Variants in CAPN9 observed in about 807,000 individuals in gnomAD.
CAPN9 encodes the protein calpain 9, also known as calpain-9.
A neutral mutation model predicts 92.8 loss-of-function variants in CAPN9; 81 were observed. That is an observed-to-expected ratio of 0.87 (90% CI 0.73 to 1.05). The LOEUF (loss-of-function observed/expected upper bound fraction) is 1.05. Ranked by LOEUF, CAPN9 falls within the 50% of genes least tolerant of loss-of-function variation. The pLI is 0.00. For missense variants in CAPN9, 848 were observed against 866.2 expected, an observed-to-expected ratio of 0.98 and a Z score of 0.26; for synonymous variants, 304 against 328.0, an observed-to-expected ratio of 0.93 and a Z score of 0.79.
chr1:230,780,076 ATGTGCGTGTG>A (rs1667099836), intron 9 of CAPN9, 93 bp from the exon 10 acceptor site: 2 of 758,328 alleles, frequency 2.6e-6, no homozygotes, highest in Non-Finnish European at 4.1e-6. Flanking sequence ...AGATAGGTGT[ATGTGCGTGTG>A]TGTGTGTGTG....
intron 9 of CAPN9, among the ~76,000 whole-genome samples, chr1:230,779,439 C>T (rs1231748393): frequency 6.6e-6 from 1 of 152,116 alleles, no homozygotes; most frequent in Non-Finnish European, 1.5e-5. Flanking sequence ...GGGTGGGCTT[C>T]AGGCACAGTT....
At chr1:230,763,987 T>A (rs1178593146) in intron 4 of CAPN9, among the ~76,000 whole-genome samples, 11 of 152,188 alleles carry the variant, frequency 7.2e-5, no homozygotes, top group Non-Finnish European at 4.4e-5. Context: ...ACAGAAACTG[T>A]GTGCCATCTA....
At chr1:230,789,464 A>G (rs1667826810) in intron 13 of CAPN9, among the ~76,000 whole-genome samples, 1 of 117,296 alleles carries the variant, frequency 8.5e-6, no homozygotes. Flanking sequence ...ACAGAGCAAG[A>G]CCCTGTATCA....
chr1:230,778,328 G>A (rs368399767), intron 8 of CAPN9, among the ~76,000 whole-genome samples: 2 of 152,214 alleles, frequency 1.3e-5, no homozygotes, highest in African/African-American at 2.4e-5. Context: ...CTTGGACACC[G>A]GCACTAACTT....
intron 8 of CAPN9, 103 bp from the exon 9 acceptor site, chr1:230,778,870 A>C: frequency 1.8e-6 from 2 of 1,102,628 alleles, no homozygotes; most frequent in Non-Finnish European, 2.6e-6. Context: ...GCGGACAGGA[A>C]CAAGATGATT....
intron 11 of CAPN9, among the ~76,000 whole-genome samples, chr1:230,782,504 A>G (rs1423858468): frequency 2.0e-5 from 3 of 152,216 alleles, no homozygotes; most frequent in African/African-American, 7.2e-5. Flanking sequence ...TGTTTTTAGC[A>G]TCATCAAAAG....
At chr1:230,775,784 G>A (rs1355293133) in intron 8 of CAPN9, among the ~76,000 whole-genome samples, 5 of 152,094 alleles carry the variant, frequency 3.3e-5, no homozygotes, top group African/African-American at 9.7e-5. Flanking sequence ...AGGGGTGGTG[G>A]TGAGTGCCTA....
At chr1:230,752,051 C>T (rs1170400950) in intron 1 of CAPN9, among the ~76,000 whole-genome samples, 1 of 152,152 alleles carries the variant, frequency 6.6e-6, no homozygotes, top group Non-Finnish European at 1.5e-5. Context: ...AATGTACATC[C>T]AGGATCGACA....
intron 1 of CAPN9, among the ~76,000 whole-genome samples, chr1:230,751,100 C>T (rs981244141): frequency 1.3e-5 from 2 of 152,202 alleles, no homozygotes; most frequent in Non-Finnish European, 2.9e-5. Context: ...ATCCAGGACA[C>T]CTCCCCGAAA....
chr1:230,760,167 T>G (rs1665542432), intron 3 of CAPN9, among the ~76,000 whole-genome samples: 1 of 152,136 alleles, frequency 6.6e-6, no homozygotes, highest in African/African-American at 2.4e-5. Flanking sequence ...CTGCTTCACC[T>G]CACTTTCTAT....
At chr1:230,795,115 C>A in intron 17 of CAPN9, 48 bp from the exon 18 acceptor site, 1 of 1,229,556 alleles carries the variant, frequency 8.1e-7, no homozygotes, top group Non-Finnish European at 1.2e-6. Flanking sequence ...AGACTCACCT[C>A]GGGGCTCGGA....
chr1:230,772,116 T>C lies in CAPN9; in HGVS notation c.875+17T>C. 6.2e-7 allele frequency: 1 copy of C among 1,608,416 alleles called. No individual in the cohort carries two copies. Among genetic ancestry groups the C allele is most frequent in the Non-Finnish European group, 8.5e-7 (1 of 1,174,708 alleles). On this transcript the variant is annotated intron_variant, in intron 7 of 19. Transcript: ENST00000271971. ...GAGCGACAGGTCAGTCACCCTATCC[T>C]GCCTCTCTGGCTGGTTCCCGGGGCG...
chr1:230,774,102 A>C lies in CAPN9; in HGVS notation c.876-452A>C, dbSNP rs190193217. ...AAGGTGCCGGGTACAGACAACATCAAGCATGGGCAGGTGTAAGGCATTATC... is the reference window on the plus strand; with the variant it reads ...AAGGTGCCGGGTACAGACAACATCACGCATGGGCAGGTGTAAGGCATTATC... On this transcript the variant is annotated intron_variant, in intron 7 of 19. Transcript: ENST00000271971. 3.9e-4 allele frequency among the ~76,000 whole-genome samples: 59 copies of C among 152,340 alleles called. 2 individuals are homozygous for C. Among genetic ancestry groups the C allele is most frequent in the Admixed American group, 1.0e-3 (16 of 15,304 alleles).
At chr1:230,753,274 G>T (rs1014102067) in intron 1 of CAPN9, among the ~76,000 whole-genome samples, 12 of 152,192 alleles carry the variant, frequency 7.9e-5, no homozygotes, top group Non-Finnish European at 1.5e-4. Context: ...CCTTACTTCT[G>T]CCGGGCCTGG....
chr1:230,799,658 G>A (rs11808288), intron 19 of CAPN9, among the ~76,000 whole-genome samples: 8,212 of 152,174 alleles, frequency 0.054, 699 homozygotes, highest in African/African-American at 0.18. Context: ...TCAGCATGTA[G>A]GACACATGTA....
At chr1:230,760,430 G>C (rs933092345) in intron 3 of CAPN9, among the ~76,000 whole-genome samples, 4 of 152,154 alleles carry the variant, frequency 2.6e-5, no homozygotes, top group Non-Finnish European at 4.4e-5. Flanking sequence ...ACCCCAGACA[G>C]TGTCACCTTC....
intron 14 of CAPN9, 41 bp from the exon 15 acceptor site, chr1:230,791,823 T>G: frequency 6.5e-7 from 1 of 1,547,704 alleles, no homozygotes; most frequent in Non-Finnish European, 8.9e-7. Flanking sequence ...TAGGTTTATC[T>G]TATCGGGTCA....
At chr1:230,781,086 C>T (rs1285524225) in intron 11 of CAPN9, among the ~76,000 whole-genome samples, 1 of 152,056 alleles carries the variant, frequency 6.6e-6, no homozygotes, top group Non-Finnish European at 1.5e-5. Context: ...CCAGGCTGGT[C>T]TCGAACTCCT....
At chr1:230,787,629 C>A in intron 13 of CAPN9, 27 bp downstream of exon 13, 3 of 1,601,090 alleles carry the variant, frequency 1.9e-6, no homozygotes, top group Non-Finnish European at 2.6e-6. Context: ...TTCCATCTCC[C>A]CACCAGGCTG....
Sources: gnomAD v4.1 joint callset for allele counts (sites outside exome capture counted in the v4.1 genomes callset) on GRCh38, gnomAD v4.1.1 for gene constraint, MANE v1.5 for transcripts, NCBI Gene and HGNC (gene_info 2026-07-23, HGNC 2026-07-21) for gene names.